Variants in ARHGAP39 observed in about 807,000 individuals in gnomAD.
ARHGAP39 encodes the protein rho GTPase-activating protein 39.
A neutral mutation model predicts 106.9 loss-of-function variants in ARHGAP39; 44 were observed. The ratio of observed to expected loss-of-function variants is 0.41; its 90% CI spans 0.32 to 0.53. The LOEUF is 0.53. Among genes scored for constraint, ARHGAP39 ranks in the 20% least tolerant of loss-of-function variants. The probability of loss-of-function intolerance (pLI) is 0.21; values close to 1 mark genes in which losing one functional copy is unlikely to be tolerated. For missense variants in ARHGAP39, 1,496 were observed against 1,577.3 expected (o/e 0.95, Z 0.87); for synonymous variants, 768 against 693.2 (o/e 1.11, Z -1.69).
chr8:144,694,360 C>T, the ARHGAP39 span, among the ~76,000 whole-genome samples: 1 of 152,166 alleles, frequency 6.6e-6, no homozygotes, highest in Non-Finnish European at 1.5e-5. Context: ...TTTCCATTTT[C>T]CCTGCTGCAT....
Position 144,671,140 on chromosome 8 carries a change from CTG to C in ARHGAP39, c.-82+14544_-82+14545del, listed in dbSNP as rs567501939. 8.6e-4 allele frequency among the ~76,000 whole-genome samples: 131 copies of C among 152,352 alleles called. No homozygotes were observed. Among genetic ancestry groups the C allele is most frequent in the African/African-American group, 3.0e-3 (123 of 41,580 alleles). ...TTGTAAATCCTAATGTCAGTTCTCT[CTG>C]TGGAATGAGGCCTATGTTGGGTGTC... On this transcript the variant is annotated intron_variant, in intron 1 of 11. Transcript: ENST00000377307. The surrounding 1 kb of genome is among the most constrained non-coding windows in gnomAD (Gnocchi z 4.5).
At chr8:144,669,523 A>G (rs1228616074) in intron 1 of ARHGAP39, among the ~76,000 whole-genome samples, 7 of 150,430 alleles carry the variant, frequency 4.7e-5, no homozygotes, top group Non-Finnish European at 3.0e-5. Context: ...AAAAAAAAAA[A>G]AAAAGATAAA....
At chr8:144,614,830 G>A (rs1820592874) in intron 1 of ARHGAP39, among the ~76,000 whole-genome samples, 1 of 152,176 alleles carries the variant, frequency 6.6e-6, no homozygotes, top group Admixed American at 6.5e-5. Context: ...CAGCCTGCTG[G>A]CAACAGGCAC....
intron 1 of ARHGAP39, among the ~76,000 whole-genome samples, chr8:144,632,668 C>T (rs556900802): frequency 1.3e-5 from 2 of 152,196 alleles, no homozygotes; most frequent in South Asian, 2.1e-4. Context: ...CTCTCCAAAG[C>T]GCCATCTCCC....
rs1005159247 is a variant in ARHGAP39, at chr8:144,576,108, G to T, written c.512+4738C>A. Among the ~76,000 whole-genome samples the T allele has an allele frequency of 6.5e-4, 99 of 152,112 alleles. 1 individual carries two copies. The highest frequency in any genetic ancestry group is 9.8e-4 in the Admixed American group (15 of 15,256). The stretch of plus-strand genomic sequence containing the variant: ...GCACTTTGGGAGGGTGAGGTGGGCA[G>T]ATCATGAGGTTAAGAGATCGAGACC... On this transcript the variant is annotated intron_variant, in intron 3 of 11. Transcript: ENST00000377307.
intron 1 of ARHGAP39, among the ~76,000 whole-genome samples, chr8:144,673,277 C>G (rs900178648): frequency 6.6e-6 from 1 of 151,988 alleles, no homozygotes; most frequent in African/African-American, 2.4e-5. Context: ...TTGCCACAGC[C>G]CCCAAGAACA....
intron 3 of ARHGAP39, among the ~76,000 whole-genome samples, chr8:144,579,847 C>T (rs1423881783): frequency 6.6e-6 from 1 of 152,154 alleles, no homozygotes; most frequent in East Asian, 1.9e-4. Context: ...GACCAATCCC[C>T]TGCCTTTCTC....
At chr8:144,637,865 T>C (rs1230469420) in intron 1 of ARHGAP39, among the ~76,000 whole-genome samples, 3 of 125,486 alleles carry the variant, frequency 2.4e-5, no homozygotes, top group Non-Finnish European at 4.7e-5. Context: ...TTTTTCTTTC[T>C]TTTTTTTTTT....
intron 1 of ARHGAP39, among the ~76,000 whole-genome samples, chr8:144,630,626 C>T (rs1437894959): frequency 1.3e-5 from 2 of 152,224 alleles, no homozygotes; most frequent in Non-Finnish European, 2.9e-5. Flanking sequence ...GAATGTCCCC[C>T]GCCAAATGCA....
chr8:144,690,691 C>A (rs1008264216), upstream of ARHGAP39, among the ~76,000 whole-genome samples: 2 of 150,964 alleles, frequency 1.3e-5, no homozygotes, highest in African/African-American at 4.9e-5. Context: ...GTTGCCCAGG[C>A]TGGAGTGCAA....
rs139043473 is a variant in ARHGAP39 at position 144,530,177 on chromosome 8, G to A, written c.*245C>T. 16,565 of 534,214 alleles carry A rather than the reference G, an allele frequency of 0.031. 327 individuals are homozygous for A. Among genetic ancestry groups the A allele is most frequent in the Non-Finnish European group, 0.042 (12,769 of 302,858 alleles). 33.1% of individuals were successfully genotyped at this position (534,214 alleles called of 1,614,324 possible). A position where few individuals can be genotyped will look rare whatever the true frequency, so the allele number is the denominator to read the frequency against. On this transcript the variant is annotated 3_prime_UTR_variant, in exon 12 of 12. Transcript: ENST00000377307. Reference sequence around the variant, plus strand: ...TGACCCGCGGCCAGCGGAGGGCGAGGCGGTGCCCGCGGGAACTGGCCGTGA... The same window carrying A: ...TGACCCGCGGCCAGCGGAGGGCGAGACGGTGCCCGCGGGAACTGGCCGTGA...
In ARHGAP39 at chr8:144,547,273, C is replaced by G; in HGVS notation, c.1813G>C (p.Glu605Gln). Residue 605 changes from glutamate to glutamine, a missense_variant, in exon 5 of 12, where the codon GAG becomes CAG. Physicochemically the swap from Glu to Gln is conservative, Grantham distance 29 (BLOSUM62 2). Around this residue, in one of 4 missense-constraint regions of ARHGAP39, gnomAD observed 905 missense variants for 816.4 expected, o/e 1.11. Coordinates refer to ENST00000377307, the MANE Select transcript of ARHGAP39 (RefSeq NM_025251.3). This position sits in a 1 kb window ranked among gnomAD's most constrained non-coding sequence, Gnocchi z 5.2. ...MPGPVVRAFS[E>Q]DEALAQQENR... ...TCCTGCTGGGCCAGCGCCTCGTCCT[C>G]GCTGAAGGCCCGCACCACCGGCCCG... 6.2e-7 allele frequency: 1 copy of G among 1,612,366 alleles called. No homozygotes were observed. Among genetic ancestry groups the G allele is most frequent in the Non-Finnish European group, 8.5e-7 (1 of 1,179,768 alleles).
In ARHGAP39 at chr8:144,530,247, C is replaced by T. The variant is rs1232024992; in HGVS notation, c.*175G>A. On this transcript the variant is annotated 3_prime_UTR_variant, in exon 12 of 12. Transcript: ENST00000377307. Reference sequence around the variant, plus strand: ...CCTCCCCGCCGCTGCTGTGCCCTGGCTGCACCCTCAGACCAGGCAGAAGAC... The same window carrying T: ...CCTCCCCGCCGCTGCTGTGCCCTGGTTGCACCCTCAGACCAGGCAGAAGAC... 7 of 710,566 alleles carry T rather than the reference C, an allele frequency of 9.9e-6. No individual in the cohort carries two copies. Among genetic ancestry groups the T allele is most frequent in the African/African-American group, 1.8e-5 (1 of 55,650 alleles). 44.0% of individuals were successfully genotyped at this position (710,566 alleles called of 1,614,324 possible).
At chr8:144,609,137 A>T (rs931773942) in intron 1 of ARHGAP39, among the ~76,000 whole-genome samples, 2 of 152,224 alleles carry the variant, frequency 1.3e-5, no homozygotes, top group African/African-American at 4.8e-5. Context: ...AATCTCAGGG[A>T]AAGCATCCAG....
In ARHGAP39 at chr8:144,536,189, C is replaced by G. The variant is rs1816946405; in HGVS notation, c.2614+1532G>C. Reference sequence around the variant, plus strand: ...GACCTCAGCCCTCATCTCCATCCCCCTCCGGCTGTAGGCAAGCCCAGGAGG... The same window carrying G: ...GACCTCAGCCCTCATCTCCATCCCCGTCCGGCTGTAGGCAAGCCCAGGAGG... On this transcript the variant is annotated intron_variant, in intron 7 of 11. Coordinates refer to ENST00000377307, the MANE Select transcript of ARHGAP39 (RefSeq NM_025251.3). Among the ~76,000 whole-genome samples, 4 of 152,216 alleles carry G rather than the reference C, an allele frequency of 2.6e-5. No individual in the cohort carries two copies. In the South Asian group the frequency reaches 8.3e-4, roughly 31 times the overall value.
At chr8:144,535,564 A>C (rs1369603626) in intron 7 of ARHGAP39, among the ~76,000 whole-genome samples, 3 of 152,234 alleles carry the variant, frequency 2.0e-5, no homozygotes, top group Non-Finnish European at 4.4e-5. Flanking sequence ...AAGGCGGCAG[A>C]AACCCAGGGC....
intron 3 of ARHGAP39, among the ~76,000 whole-genome samples, chr8:144,564,404 C>T (rs779638002): frequency 1.3e-5 from 2 of 152,108 alleles, no homozygotes; most frequent in African/African-American, 2.4e-5. Context: ...AACTTTTGCT[C>T]ACAAGATGGA....
At chr8:144,560,223 C>G (rs1470272314) in intron 3 of ARHGAP39, among the ~76,000 whole-genome samples, 2 of 152,224 alleles carry the variant, frequency 1.3e-5, no homozygotes, top group African/African-American at 4.8e-5. Flanking sequence ...CACTTGAGGT[C>G]AGGAGTTTGA....
chr8:144,614,642 C>T (rs1054335707), intron 1 of ARHGAP39, among the ~76,000 whole-genome samples: 3 of 152,278 alleles, frequency 2.0e-5, no homozygotes, highest in African/African-American at 4.8e-5. Context: ...TGTGAGCCAC[C>T]GTGCCTGGCC....
Sources: gnomAD v4.1 joint callset for allele counts (sites outside exome capture counted in the v4.1 genomes callset) on GRCh38, gnomAD v4.1.1 for gene constraint, gnomAD v4.1.1 regional missense constraint, Gnocchi (gnomAD v3.1) non-coding constraint, MANE v1.5 for transcripts, NCBI Gene and HGNC (gene_info 2026-07-23, HGNC 2026-07-21) for gene names.